Variants in THEMIS observed in about 807,000 individuals in gnomAD.
THEMIS encodes thymocyte selection associated, also known as protein THEMIS.
In THEMIS, 37 loss-of-function variants were observed where a neutral mutation model predicts 52.6. That is an observed-to-expected ratio of 0.70 (90% CI 0.54 to 0.93). The LOEUF (loss-of-function observed/expected upper bound fraction) is 0.93, where lower values mean the gene tolerates loss of function less well. THEMIS is among the 40% of genes least tolerant of loss of function. THEMIS has a pLI of 0.00. For missense variants in THEMIS, 808 were observed against 763.1 expected (o/e 1.06, Z -0.69); for synonymous variants, 292 against 272.7 (o/e 1.07, Z -0.70).
chr6:127,738,844 A>G (rs1202563588), intron 4 of THEMIS, among the ~76,000 whole-genome samples: 4 of 152,252 alleles, frequency 2.6e-5, no homozygotes, highest in Non-Finnish European at 5.9e-5. Flanking sequence ...TCATATTGAT[A>G]TGAACCGCTA....
intron 2 of THEMIS, among the ~76,000 whole-genome samples, chr6:127,832,218 C>T (rs761926722): frequency 6.6e-6 from 1 of 151,862 alleles, no homozygotes; most frequent in African/African-American, 2.4e-5. Context: ...AGGCTAAAAC[C>T]CTAAAGGTCA....
rs371794135 is a variant in THEMIS at position 127,837,293 on chromosome 6, A to C, written c.251-7359T>G. Among the ~76,000 whole-genome samples the C allele has an allele frequency of 1.7e-4, 26 of 152,254 alleles. 1 individual carries two copies. In the South Asian group the frequency reaches 4.8e-3, roughly 28 times the overall value. On this transcript the variant is annotated intron_variant, in intron 2 of 5. Transcript: ENST00000368248. ...TAGGAAGAATAGAGCTGCAATGAGAAAATTCAAGGCCTACCCATGCCGGGG... is the reference window on the plus strand; with the variant it reads ...TAGGAAGAATAGAGCTGCAATGAGACAATTCAAGGCCTACCCATGCCGGGG...
intron 2 of THEMIS, among the ~76,000 whole-genome samples, chr6:127,837,766 A>C (rs1778919863): frequency 6.6e-6 from 1 of 152,086 alleles, no homozygotes; most frequent in South Asian, 2.1e-4. Flanking sequence ...AGAGATAAAA[A>C]TGTTTTAAAC....
chr6:127,738,180 T>C (rs75576599), intron 4 of THEMIS, among the ~76,000 whole-genome samples: 5,243 of 152,254 alleles, frequency 0.034, 313 homozygotes, highest in African/African-American at 0.12. Flanking sequence ...GCCATTTTAA[T>C]ATGCATAATA....
intron 4 of THEMIS, among the ~76,000 whole-genome samples, chr6:127,739,571 G>A (rs1775126015): frequency 6.6e-6 from 1 of 152,118 alleles, no homozygotes; most frequent in Non-Finnish European, 1.5e-5. Context: ...AACCCGGGAG[G>A]CGAGCTTACT....
intron 1 of THEMIS, among the ~76,000 whole-genome samples, chr6:127,914,473 C>T (rs370070827): frequency 4.6e-5 from 7 of 152,142 alleles, no homozygotes; most frequent in East Asian, 3.9e-4. Flanking sequence ...ATAGAGTGTG[C>T]TTACACAAAC....
At chr6:127,699,416 G>A in the THEMIS span, among the ~76,000 whole-genome samples, 1 of 150,104 alleles carries the variant, frequency 6.7e-6, no homozygotes, top group Admixed American at 6.7e-5. Context: ...GAAGGTTTTT[G>A]ACAAAAGTAA....
chr6:127,861,414 T>C (rs996873863), intron 1 of THEMIS, among the ~76,000 whole-genome samples: 3 of 152,124 alleles, frequency 2.0e-5, no homozygotes, highest in African/African-American at 7.2e-5. Context: ...CTTCATGTTA[T>C]TATCTATTTC....
intron 1 of THEMIS, among the ~76,000 whole-genome samples, chr6:127,895,416 A>G (rs941660126): frequency 6.6e-6 from 1 of 151,572 alleles, no homozygotes; most frequent in Non-Finnish European, 1.5e-5. Context: ...AAAAAATATA[A>G]ACTATTAGAA....
At chr6:127,759,856 C>CTCCCTCCCTCCT (rs1775961356) in intron 4 of THEMIS, among the ~76,000 whole-genome samples, 2 of 119,360 alleles carry the variant, frequency 1.7e-5, no homozygotes, top group African/African-American at 3.8e-5. Context: ...CCCTCCCTCC[C>CTCCCTCCCTCCT]TCCTTCCTTC....
At chr6:127,743,940 TG>T (rs1395158553) in intron 4 of THEMIS, among the ~76,000 whole-genome samples, 1 of 152,112 alleles carries the variant, frequency 6.6e-6, no homozygotes, top group Non-Finnish European at 1.5e-5. Context: ...AAATGTTTTT[TG>T]TCTAGGAAAA....
At chr6:127,861,483 T>G (rs1779793678) in intron 1 of THEMIS, among the ~76,000 whole-genome samples, 1 of 151,478 alleles carries the variant, frequency 6.6e-6, no homozygotes, top group Non-Finnish European at 1.5e-5. Context: ...TGAATTATAG[T>G]TTAGAAATTG....
chr6:127,772,578 T>A (rs2114444720), intron 4 of THEMIS, among the ~76,000 whole-genome samples: 1 of 152,228 alleles, frequency 6.6e-6, no homozygotes, highest in East Asian at 1.9e-4. Flanking sequence ...CTTGGTGTTA[T>A]CCTCTAGAAA....
chr6:127,732,724 T>C (rs1370922494), intron 4 of THEMIS, among the ~76,000 whole-genome samples: 3 of 152,222 alleles, frequency 2.0e-5, no homozygotes, highest in Non-Finnish European at 4.4e-5. Context: ...TAAACCAAAA[T>C]GCATTTACTT....
intron 4 of THEMIS, among the ~76,000 whole-genome samples, chr6:127,801,333 C>G (rs567890852): frequency 6.6e-6 from 1 of 152,300 alleles, no homozygotes; most frequent in Admixed American, 6.5e-5. Flanking sequence ...AGCCTCAGAT[C>G]TGCTAAGATT....
At chr6:127,769,950 A>T (rs760832859) in intron 4 of THEMIS, among the ~76,000 whole-genome samples, 9 of 152,058 alleles carry the variant, frequency 5.9e-5, no homozygotes, top group Non-Finnish European at 1.2e-4. Flanking sequence ...AAGGACATGA[A>T]CTCACCCTTT....
intron 1 of THEMIS, among the ~76,000 whole-genome samples, chr6:127,859,622 G>C (rs943041419): frequency 6.6e-6 from 1 of 152,016 alleles, no homozygotes; most frequent in East Asian, 1.9e-4. Context: ...CAAGTCAAAG[G>C]TTTTTGCATG....
rs187278403 is a variant in THEMIS, at chr6:127,848,909, T to C, written c.250+6121A>G. Among the ~76,000 whole-genome samples, 57 of 152,292 alleles carry C rather than the reference T, an allele frequency of 3.7e-4. 1 individual carries two copies. In the East Asian group the frequency reaches 3.9e-3, roughly 10 times the overall value. On this transcript the variant is annotated intron_variant, in intron 2 of 5. Coordinates refer to ENST00000368248, the MANE Select transcript of THEMIS (RefSeq NM_001010923.3). The stretch of plus-strand genomic sequence containing the variant: ...ACTCTGATGGTAGTTTCTTTTGCTG[T>C]GCAGAAGCTCTTTAGTTTAATTAGA...
At chr6:127,846,698 C>A (rs1220719353) in intron 2 of THEMIS, among the ~76,000 whole-genome samples, 1 of 151,714 alleles carries the variant, frequency 6.6e-6, no homozygotes, top group Non-Finnish European at 1.5e-5. Context: ...CAGCTGAATT[C>A]TACTAGACAT....
Sources: gnomAD v4.1 joint callset for allele counts (sites outside exome capture counted in the v4.1 genomes callset) on GRCh38, gnomAD v4.1.1 for gene constraint, MANE v1.5 for transcripts, NCBI Gene and HGNC (gene_info 2026-07-23, HGNC 2026-07-21) for gene names.